Variants in ATP13A2 observed in about 807,000 individuals in gnomAD.
ATP13A2 encodes the protein ATPase cation transporting 13A2.
Under a neutral mutation model 138.3 loss-of-function variants are expected in ATP13A2, and 83 were observed. The observed-to-expected ratio is 0.60, with a 90% CI of 0.50 to 0.72. The LOEUF is 0.72. Among genes scored for constraint, ATP13A2 ranks in the 30% least tolerant of loss-of-function variants. The pLI is 0.00. For synonymous variants in ATP13A2, 663 were observed against 699.0 expected (o/e 0.95, Z 0.81); for missense variants, 1,402 against 1,606.4 (o/e 0.87, Z 2.17).
In ATP13A2 at chr1:16,997,601, G is replaced by A. The variant is rs547567271; in HGVS notation, c.1040-426C>T. Reference sequence around the variant, plus strand: ...TCACGCCTGTAATCCCAACACTTTGGGAGGCTGAGGTGGGCAGATCACTTG... The same window carrying A: ...TCACGCCTGTAATCCCAACACTTTGAGAGGCTGAGGTGGGCAGATCACTTG... On this transcript the variant is annotated intron_variant, in intron 11 of 28. Transcript: ENST00000326735. 2.7e-3 allele frequency among the ~76,000 whole-genome samples: 418 copies of A among 152,272 alleles called. 3 individuals carry two copies. Among genetic ancestry groups the A allele is most frequent in the African/African-American group, 9.6e-3 (397 of 41,542 alleles).
intron 15 of ATP13A2, among the ~76,000 whole-genome samples, chr1:16,994,319 A>T (rs187330972): frequency 7.3e-5 from 11 of 150,680 alleles, no homozygotes; most frequent in Admixed American, 7.3e-4. Flanking sequence ...TGCAACCTCC[A>T]CCTCCCGGGT....
At chr1:16,991,519 TCC>T (rs2076927124) in intron 20 of ATP13A2, among the ~76,000 whole-genome samples, 4 of 152,192 alleles carry the variant, frequency 2.6e-5, no homozygotes, top group Admixed American at 6.5e-5. Context: ...GTCACTCCAC[TCC>T]TCTGAGTCTC....
Position 17,000,511 on chromosome 1 carries a change from G to C in ATP13A2, c.729C>G (p.Phe243Leu). The C allele has an allele frequency of 1.2e-6, 2 of 1,614,076 alleles. No individual in the cohort carries two copies. Among genetic ancestry groups the C allele is most frequent in the Middle Eastern group, 1.6e-4 (1 of 6,062 alleles). Residue 243 changes from phenylalanine (F) to leucine (L), a missense_variant, in exon 9 of 29, where the codon TTC becomes TTG. Transcript: ENST00000326735. ...GCCACAGCGCGATGCTGAAGGCCTGGAACCCATAGTAGGGGTTCAGTGCCT... is the reference window on the plus strand; with the variant it reads ...GCCACAGCGCGATGCTGAAGGCCTGCAACCCATAGTAGGGGTTCAGTGCCT... ...VDEALNPYYG[F>L]QAFSIALWLA...
In ATP13A2 at chr1:17,000,244, A is replaced by G; in HGVS notation, c.907+2T>C. 7.8e-7 allele frequency: 1 copy of G among 1,289,350 alleles called. No homozygotes were observed. The highest frequency in any genetic ancestry group is 1.6e-5 in the South Asian group (1 of 61,038). 79.9% of individuals were successfully genotyped at this position (1,289,350 alleles called of 1,614,324 possible). A position where few individuals can be genotyped will look rare whatever the true frequency, so the allele number is the denominator to read the frequency against. ...CCCGCCCCCTGGGCCCTAGCTCCTC[A>G]CCTCCCCCTGGCCGGCACACGCACA... On this transcript the variant is annotated splice_donor_variant, in intron 10 of 28. Coordinates refer to ENST00000326735, the MANE Select transcript of ATP13A2 (RefSeq NM_022089.4). LOFTEE classifies it high-confidence loss of function.
Position 16,996,468 on chromosome 1 carries a change from C to T in ATP13A2, c.1224G>A (p.Val408=), listed in dbSNP as rs770181678. 5 of 1,614,068 alleles carry T rather than the reference C, an allele frequency of 3.1e-6. No individual in the cohort carries two copies. Among genetic ancestry groups the T allele is most frequent in the African/African-American group, 2.7e-5 (2 of 75,026 alleles). ...TGGGCCGGGGGTGCAAGATGGAGCT[C>T]ACCAGGCCCCCTTTTGCCGTGCAGA... ...TGFCTAKGGL[V]SSILHPRPIN... The change falls in exon 13 of 29, where the codon GTG becomes GTA. Residue 408 remains valine, a synonymous_variant. Transcript: ENST00000326735.
In ATP13A2 at chr1:16,993,749, A is replaced by T. The variant is rs369352100; in HGVS notation, c.1629T>A (p.Pro543=). The T allele has an allele frequency of 5.7e-5, 91 of 1,590,766 alleles. No homozygotes were observed. Among genetic ancestry groups the T allele is most frequent in the Non-Finnish European group, 6.9e-5 (81 of 1,169,742 alleles). The part of the protein sequence containing the change: ...GQAFLPLVPE[P]RRLPVGPLLR... ...GCAGGGGCCCCACAGGCAGGCGGCG[A>T]GGCTCTGGGACCAGGGGCAGGAATG... Residue 543 remains proline (P), a synonymous_variant, in exon 16 of 29, where the codon CCT becomes CCA. Transcript: ENST00000326735.
intron 7 of ATP13A2, 39 bp downstream of exon 7, chr1:17,002,257 C>G (rs2077387233): frequency 6.2e-7 from 1 of 1,605,376 alleles, no homozygotes. Context: ...CACAAGGAGC[C>G]CCAGTTCTCA....
chr1:17,006,491 T>A (rs1295591794), intron 1 of ATP13A2, among the ~76,000 whole-genome samples: 1 of 152,168 alleles, frequency 6.6e-6, no homozygotes, highest in Non-Finnish European at 1.5e-5. Context: ...CCTCAAGTGA[T>A]CTGCCCACTT....
At chr1:16,987,291 A>G (rs757621284) in intron 25 of ATP13A2, 22 bp from the exon 26 acceptor site, 1 of 1,611,672 alleles carries the variant, frequency 6.2e-7, no homozygotes, top group East Asian at 2.2e-5. Flanking sequence ...AAGGGAGGAC[A>G]GAGGGGAAAC....
intron 15 of ATP13A2, among the ~76,000 whole-genome samples, chr1:16,994,722 G>A (rs536990072): frequency 6.6e-6 from 1 of 151,820 alleles, no homozygotes; most frequent in Non-Finnish European, 1.5e-5. Context: ...GAGTGCAGTG[G>A]TGTGATCTCA....
chr1:16,992,682 G>A, intron 16 of ATP13A2, 101 bp from the exon 17 acceptor site: 1 of 1,278,000 alleles, frequency 7.8e-7, no homozygotes, highest in South Asian at 1.3e-5. Flanking sequence ...ACTGAATGGT[G>A]GGTTAAGAAT....
Position 16,988,130 on chromosome 1 carries a change from A to C in ATP13A2, c.2859+8T>G. 1 of 1,612,420 alleles carries C rather than the reference A, an allele frequency of 6.2e-7. No homozygotes were observed. On this transcript the variant is annotated splice_region_variant and intron_variant, in intron 25 of 28. Coordinates refer to ENST00000326735, the MANE Select transcript of ATP13A2 (RefSeq NM_022089.4). The stretch of plus-strand genomic sequence containing the variant: ...CGGCTCTGGGTACGGAGCTCTGCAG[A>C]TACTCACCGTGTAGAGGATCAGGAC...
chr1:16,992,603 T>G (rs1372738739), intron 16 of ATP13A2, 22 bp from the exon 17 acceptor site: 1 of 1,613,496 alleles, frequency 6.2e-7, no homozygotes, highest in African/African-American at 1.3e-5. Context: ...GCAGGGAAGT[T>G]TGGTGTCTGG....
In ATP13A2 at chr1:17,007,401, G is replaced by A. The variant is rs570369265; in HGVS notation, c.11-1623C>T. Among the ~76,000 whole-genome samples the A allele has an allele frequency of 4.6e-5, 7 of 152,202 alleles. No homozygotes were observed. In the East Asian group the frequency reaches 7.7e-4, roughly 17 times the overall value. On this transcript the variant is annotated intron_variant, in intron 1 of 28. Coordinates refer to ENST00000326735, the MANE Select transcript of ATP13A2 (RefSeq NM_022089.4). ...ACTGGCTGGATCAACTCCTCAGGCCGGGGTAGGGATGGTGCTAGGCATCTG... is the reference window on the plus strand; with the variant it reads ...ACTGGCTGGATCAACTCCTCAGGCCAGGGTAGGGATGGTGCTAGGCATCTG...
rs1570892631 is a variant in ATP13A2 at position 17,005,060 on chromosome 1, G to T, written c.301C>A (p.Gln101Lys). 2 of 1,614,134 alleles carry T rather than the reference G, an allele frequency of 1.2e-6. No homozygotes were observed. Among genetic ancestry groups the T allele is most frequent in the Non-Finnish European group, 1.7e-6 (2 of 1,180,034 alleles). ...EIRDKEDSSW[Q>K]LFTVQVQTEA... is the part of the protein sequence containing the mutation. ...GTCTGCACCTGGACAGTGAAGAGCT[G>T]CCAGGAACTATCCTGGAACACAGAG... The change falls in exon 4 of 29, where the codon CAG becomes AAG. Residue 101 changes from glutamine to lysine, a missense_variant. By Grantham distance (53) the Gln-to-Lys change is moderately conservative. Coordinates refer to ENST00000326735, the MANE Select transcript of ATP13A2 (RefSeq NM_022089.4).
At chr1:16,998,537 A>G (rs1185074759) in intron 11 of ATP13A2, among the ~76,000 whole-genome samples, 2 of 152,164 alleles carry the variant, frequency 1.3e-5, no homozygotes, top group Admixed American at 6.5e-5. Flanking sequence ...AATGCCAGCC[A>G]GAAAACTTCC....
chr1:16,992,706 C>G (rs2076979836), intron 16 of ATP13A2, 125 bp from the exon 17 acceptor site: 4 of 951,754 alleles, frequency 4.2e-6, no homozygotes, highest in African/African-American at 1.6e-5. Flanking sequence ...GGCTTTGGAG[C>G]CCGGTGGACT....
chr1:16,995,502 A>C lies in ATP13A2; in HGVS notation c.1542+474T>G, dbSNP rs1570817509. The C allele has an allele frequency of 2.2e-5, 5 of 222,504 alleles. No homozygotes were observed. The highest frequency in any genetic ancestry group is 5.9e-5 in the South Asian group (1 of 17,000). 13.8% of individuals were successfully genotyped at this position (222,504 alleles called of 1,614,324 possible). ...TTTTTTTTTTGAGTTTTGCTCTGTCACCCAGGCTGGAGTACAATGGCATGA... is the reference window on the plus strand; with the variant it reads ...TTTTTTTTTTGAGTTTTGCTCTGTCCCCCAGGCTGGAGTACAATGGCATGA... On this transcript the variant is annotated intron_variant, in intron 15 of 28. Coordinates refer to ENST00000326735, the MANE Select transcript of ATP13A2 (RefSeq NM_022089.4). This position sits in a 1 kb window ranked among gnomAD's most constrained non-coding sequence, Gnocchi z 4.1.
rs996743106 is a variant in ATP13A2 at position 17,004,131 on chromosome 1, C to T, written c.557+201G>A. Reference sequence around the variant, plus strand: ...TTATCTATTTCACCATCAAAACAATCCTAGGAGGCAGAAGTTATCTTCATG... The same window carrying T: ...TTATCTATTTCACCATCAAAACAATTCTAGGAGGCAGAAGTTATCTTCATG... On this transcript the variant is annotated intron_variant, in intron 6 of 28. Transcript: ENST00000326735. This position sits in a 1 kb window ranked among gnomAD's most constrained non-coding sequence, Gnocchi z 4.1. Among the ~76,000 whole-genome samples, 2 of 152,172 alleles carry T rather than the reference C, an allele frequency of 1.3e-5. No homozygotes were observed. The highest frequency in any genetic ancestry group is 2.9e-5 in the Non-Finnish European group (2 of 68,026).
Sources: allele counts gnomAD v4.1 joint callset (sites outside exome capture counted in the v4.1 genomes callset), GRCh38; gene constraint gnomAD v4.1.1; non-coding constraint Gnocchi (gnomAD v3.1); transcripts MANE v1.5; gene names NCBI Gene and HGNC (gene_info 2026-07-23, HGNC 2026-07-21).